ADGRV1: variants seen among roughly 807,000 people sequenced by gnomAD.
ADGRV1 encodes the protein adhesion G protein-coupled receptor V1.
Under a neutral mutation model 596.2 loss-of-function variants are expected in ADGRV1, and 359 were observed. That is an observed-to-expected ratio of 0.60 (90% CI 0.55 to 0.66). ADGRV1 has a LOEUF of 0.66. Ranked by LOEUF, ADGRV1 falls within the 30% of genes least tolerant of loss-of-function variation. The pLI is 0.00. For synonymous variants in ADGRV1, 2,681 were observed against 2,679.2 expected (o/e 1.00, Z -0.02); for missense variants, 7,274 against 7,575.6 (o/e 0.96, Z 1.48).
In ADGRV1 at chr5:90,643,424, G is replaced by A. The variant is rs997525568; in HGVS notation, c.2554-379G>A. Among the ~76,000 whole-genome samples, 9 of 152,058 alleles carry A rather than the reference G, an allele frequency of 5.9e-5. 1 individual carries two copies. The highest frequency in any genetic ancestry group is 1.3e-4 in the Non-Finnish European group (9 of 67,986). On this transcript the variant is annotated intron_variant, in intron 13 of 89. Coordinates refer to ENST00000405460, the MANE Select transcript of ADGRV1 (RefSeq NM_032119.4). ...TTACTTTGTTCAAAAAAAGAAATTT[G>A]AGTTTTATATTAATGGAACCAGGTA...
intron 83 of ADGRV1, among the ~76,000 whole-genome samples, chr5:90,938,941 C>T (rs997635869): frequency 6.6e-6 from 1 of 152,160 alleles, no homozygotes; most frequent in Non-Finnish European, 1.5e-5. Context: ...GAAATCCTAA[C>T]CACATACATA....
intron 83 of ADGRV1, among the ~76,000 whole-genome samples, chr5:90,933,747 T>A (rs1775450909): frequency 6.6e-6 from 1 of 152,172 alleles, no homozygotes; most frequent in African/African-American, 2.4e-5. Context: ...TTTGTTTAGG[T>A]TCCTTCTGCC....
At chr5:90,625,287 T>G in intron 6 of ADGRV1, 44 bp downstream of exon 6, 1 of 1,227,760 alleles carries the variant, frequency 8.1e-7, no homozygotes, top group Non-Finnish European at 1.2e-6. Context: ...GATTCTGTGT[T>G]GCAGGACACA....
In ADGRV1 at chr5:90,651,702, G is replaced by C; in HGVS notation, c.3388G>C (p.Val1130Leu). The C allele has an allele frequency of 6.2e-7, 1 of 1,612,524 alleles. No individual in the cohort carries two copies. Among genetic ancestry groups the C allele is most frequent in the South Asian group, 1.1e-5 (1 of 90,978 alleles). Residue 1130 changes from valine to leucine, a missense_variant, in exon 18 of 90, where the codon GTG (valine) becomes CTG (leucine). Transcript: ENST00000405460. Reference sequence around the variant, plus strand: ...TTCTCTGGAGCCCATAGACAAAGCAGTGGAAGAAGGAAAGACTAATGCATT... The same window carrying C: ...TTCTCTGGAGCCCATAGACAAAGCACTGGAAGAAGGAAAGACTAATGCATT... ...IFSLEPIDKA[V>L]EEGKTNAFWI... is the part of the protein sequence containing the mutation.
chr5:90,770,164 T>C (rs1429536089), intron 59 of ADGRV1, among the ~76,000 whole-genome samples: 1 of 152,190 alleles, frequency 6.6e-6, no homozygotes, highest in African/African-American at 2.4e-5. Context: ...CTCACAATTA[T>C]GGCAGAAGAT....
chr5:90,773,618 A>G (rs568304743), intron 59 of ADGRV1, among the ~76,000 whole-genome samples: 5 of 152,344 alleles, frequency 3.3e-5, no homozygotes, highest in African/African-American at 1.2e-4. Flanking sequence ...ACATGCATAT[A>G]AAAGACCAAG....
chr5:90,845,539 G>A lies in ADGRV1; in HGVS notation c.17020-3098G>A, dbSNP rs561468523. ...TGACATTTCATTTTTAGAAAAGTCG[G>A]AAGTTAAACTAAATTTTTGTTTTTC... On this transcript the variant is annotated intron_variant, in intron 78 of 89. Transcript: ENST00000405460. 1.2e-3 allele frequency among the ~76,000 whole-genome samples: 186 copies of A among 152,094 alleles called. 1 individual carries two copies. The highest frequency in any genetic ancestry group is 3.8e-3 in the African/African-American group (156 of 41,490).
chr5:90,809,116 C>G (rs1340369288), intron 73 of ADGRV1, among the ~76,000 whole-genome samples: 1 of 151,700 alleles, frequency 6.6e-6, no homozygotes, highest in African/African-American at 2.4e-5. Flanking sequence ...GCCACCGTGC[C>G]CTACTAATTT....
intron 1 of ADGRV1, among the ~76,000 whole-genome samples, chr5:90,565,859 C>G (rs185243174): frequency 1.3e-5 from 2 of 152,128 alleles, no homozygotes; most frequent in East Asian, 3.9e-4. Flanking sequence ...CCATCCTATT[C>G]GGTGTGAAGT....
intron 83 of ADGRV1, among the ~76,000 whole-genome samples, chr5:90,885,067 A>G (rs545788385): frequency 3.3e-5 from 5 of 152,056 alleles, no homozygotes; most frequent in Non-Finnish European, 7.4e-5. Flanking sequence ...TTTTATATCT[A>G]GCTCCTCTAC....
chr5:90,828,939 G>C lies in ADGRV1; in HGVS notation c.16369-5G>C, dbSNP rs759588440. Reference sequence around the variant, plus strand: ...TTGTTTTTTTTTCCTTTTTCTCATTGTCAGGTACCACAGGTTGAAGTGTAT... The same window carrying C: ...TTGTTTTTTTTTCCTTTTTCTCATTCTCAGGTACCACAGGTTGAAGTGTAT... On this transcript the variant is annotated splice_region_variant and splice_polypyrimidine_tract_variant and intron_variant, in intron 76 of 89. Transcript: ENST00000405460. 2 of 1,525,544 alleles carry C rather than the reference G, an allele frequency of 1.3e-6. No homozygotes were observed. Among genetic ancestry groups the C allele is most frequent in the South Asian group, 2.8e-5 (2 of 72,660 alleles). The allele number at this position is 1,525,544 out of a possible 1,614,324, so 94.5% of individuals were successfully genotyped here.
At chr5:91,082,489 G>A (rs762149807) in intron 86 of ADGRV1, among the ~76,000 whole-genome samples, 2 of 151,982 alleles carry the variant, frequency 1.3e-5, no homozygotes, top group Non-Finnish European at 2.9e-5. Flanking sequence ...ACCATGACCA[G>A]CTAATTTTTA....
intron 85 of ADGRV1, among the ~76,000 whole-genome samples, chr5:91,044,796 A>G (rs1198381535): frequency 6.6e-6 from 1 of 152,212 alleles, no homozygotes; most frequent in Non-Finnish European, 1.5e-5. Flanking sequence ...GTTATGTACC[A>G]GTATGCTTAG....
intron 89 of ADGRV1, among the ~76,000 whole-genome samples, chr5:91,162,154 G>A (rs987110992): frequency 1.3e-5 from 2 of 152,206 alleles, no homozygotes; most frequent in African/African-American, 4.8e-5. Flanking sequence ...GAGCAGGCAG[G>A]TTCACGACTT....
chr5:90,968,162 C>T (rs1197665978), intron 84 of ADGRV1, among the ~76,000 whole-genome samples: 1 of 152,118 alleles, frequency 6.6e-6, no homozygotes, highest in Admixed American at 6.6e-5. Flanking sequence ...TATGTAGCTC[C>T]ATTTGGCACA....
At chr5:90,796,052 A>C (rs535177783) in intron 70 of ADGRV1, among the ~76,000 whole-genome samples, 19 of 152,166 alleles carry the variant, frequency 1.2e-4, no homozygotes, top group African/African-American at 1.2e-4. Flanking sequence ...AAATTCCAAA[A>C]ACCAGAACGC....
intron 85 of ADGRV1, among the ~76,000 whole-genome samples, chr5:91,009,621 CT>C (rs1391656196): frequency 6.6e-6 from 1 of 151,952 alleles, no homozygotes; most frequent in Non-Finnish European, 1.5e-5. Context: ...TGGAAATTTT[CT>C]TTTCTAAAAG....
At chr5:90,922,030 A>C (rs1976566) in intron 83 of ADGRV1, among the ~76,000 whole-genome samples, 109,509 of 151,892 alleles carry the variant, frequency 0.72, 39,865 homozygotes, top group East Asian at 1. Context: ...GAAAAACAGC[A>C]CCTAAGTGGG....
Position 90,693,916 on chromosome 5 carries a change from T to G in ADGRV1, c.7160T>G (p.Leu2387Trp). ...RSGGHFGRLL[L>W]FYSTSDIDVV... ...GGAGGGCACTTTGGTCGGCTGTTGT[T>G]GTTCTACAGTACTTCCGACATTGAT... Residue 2387 changes from leucine (L) to tryptophan (W), a missense_variant, in exon 33 of 90, where the codon TTG becomes TGG. This residue lies in a region of ADGRV1 where 3,643 missense variants were observed against 3,809.2 expected (regional missense o/e 0.96). Transcript: ENST00000405460. 1.3e-6 allele frequency: 2 copies of G among 1,570,480 alleles called. No homozygotes were observed. Among genetic ancestry groups the G allele is most frequent in the Non-Finnish European group, 1.7e-6 (2 of 1,156,056 alleles).
Sources: allele counts gnomAD v4.1 joint callset (sites outside exome capture counted in the v4.1 genomes callset), GRCh38; gene constraint gnomAD v4.1.1; regional missense constraint gnomAD v4.1.1; transcripts MANE v1.5; gene names NCBI Gene and HGNC (gene_info 2026-07-23, HGNC 2026-07-21).